Variants in TANGO6 observed in about 807,000 individuals in gnomAD.
The protein encoded by TANGO6 is transport and Golgi organization protein 6 homolog.
In TANGO6, 90 loss-of-function variants were observed where a neutral mutation model predicts 114.2. The ratio of observed to expected loss-of-function variants is 0.79; its 90% CI spans 0.66 to 0.94. TANGO6 has a LOEUF of 0.94. Ranked by LOEUF, TANGO6 falls within the 40% of genes least tolerant of loss-of-function variation. The pLI is 0.00. For synonymous variants in TANGO6, 477 were observed against 509.8 expected (o/e 0.94, Z 0.87); for missense variants, 1,274 against 1,315.3 (o/e 0.97, Z 0.49).
chr16:68,888,209 T>G (rs1567532684), intron 7 of TANGO6, among the ~76,000 whole-genome samples: 1 of 152,166 alleles, frequency 6.6e-6, no homozygotes, highest in Non-Finnish European at 1.5e-5. Context: ...CTCAAAACAC[T>G]TTTAGTCCAG....
At chr16:68,847,829 G>A (rs1301328215) in intron 1 of TANGO6, among the ~76,000 whole-genome samples, 6 of 151,992 alleles carry the variant, frequency 3.9e-5, no homozygotes, top group East Asian at 3.9e-4. Context: ...GCGAAACCCC[G>A]TCTCTACTAA....
chr16:68,870,510 A>G (rs1198405172), intron 4 of TANGO6, among the ~76,000 whole-genome samples: 1 of 152,140 alleles, frequency 6.6e-6, no homozygotes, highest in Non-Finnish European at 1.5e-5. Flanking sequence ...TCCTTTTCCA[A>G]GAAGGGTTAG....
At chr16:68,860,741 C>T (rs564708643) in intron 2 of TANGO6, among the ~76,000 whole-genome samples, 2 of 152,160 alleles carry the variant, frequency 1.3e-5, no homozygotes, top group African/African-American at 4.8e-5. Flanking sequence ...TTCACCTGTC[C>T]CTTGTCATTT....
chr16:69,019,674 CT>C (rs1959367304), intron 15 of TANGO6, among the ~76,000 whole-genome samples: 1 of 150,992 alleles, frequency 6.6e-6, no homozygotes, highest in Non-Finnish European at 1.5e-5. Context: ...ACTCCTTAAA[CT>C]TTGGGCATCT....
intron 12 of TANGO6, among the ~76,000 whole-genome samples, chr16:68,924,376 ACT>A (rs1691523465): frequency 6.6e-6 from 1 of 151,986 alleles, no homozygotes; most frequent in African/African-American, 2.4e-5. Flanking sequence ...CAGATCAGCT[ACT>A]CGGGAGGCTG....
intron 11 of TANGO6, 49 bp from the exon 12 acceptor site, chr16:68,919,036 A>ATT (rs3833052): frequency 4.1e-4 from 533 of 1,309,388 alleles, no homozygotes; most frequent in South Asian, 6.6e-4. Flanking sequence ...GAGAATTATG[A>ATT]TTTTTTTTTT....
intron 11 of TANGO6, among the ~76,000 whole-genome samples, chr16:68,916,947 A>G (rs1219191280): frequency 6.6e-6 from 1 of 151,832 alleles, no homozygotes; most frequent in African/African-American, 2.4e-5. Context: ...ACTAGGGCTC[A>G]CTCTTGGTGT....
intron 15 of TANGO6, among the ~76,000 whole-genome samples, chr16:69,004,791 T>C (rs1449686657): frequency 6.6e-6 from 1 of 152,238 alleles, no homozygotes; most frequent in African/African-American, 2.4e-5. Flanking sequence ...CTAACAAGGA[T>C]CTTTACTAGA....
intron 1 of TANGO6, among the ~76,000 whole-genome samples, chr16:68,847,859 G>A (rs1961838514): frequency 6.6e-6 from 1 of 152,048 alleles, no homozygotes; most frequent in Non-Finnish European, 1.5e-5. Flanking sequence ...AATTAGCTGG[G>A]CGTGGTGGCA....
intron 16 of TANGO6, among the ~76,000 whole-genome samples, chr16:69,031,016 A>G (rs1200185753): frequency 6.6e-6 from 1 of 152,060 alleles, no homozygotes; most frequent in Admixed American, 6.6e-5. Flanking sequence ...ATATCGCACC[A>G]CTACACTCCA....
At chr16:69,053,074 C>T (rs1045525850) in intron 17 of TANGO6, among the ~76,000 whole-genome samples, 1 of 152,116 alleles carries the variant, frequency 6.6e-6, no homozygotes, top group Non-Finnish European at 1.5e-5. Context: ...TGCCACTGTA[C>T]TCCTGGCAAC....
At chr16:69,008,299 A>T (rs1012325524) in intron 15 of TANGO6, among the ~76,000 whole-genome samples, 3 of 152,196 alleles carry the variant, frequency 2.0e-5, no homozygotes, top group Non-Finnish European at 1.5e-5. Flanking sequence ...TTTAATTTTG[A>T]TGAAGTCCAA....
chr16:68,843,772 G>A, intron 1 of TANGO6, 61 bp downstream of exon 1: 1 of 1,546,534 alleles, frequency 6.5e-7, no homozygotes. Flanking sequence ...CCCGGCTTCC[G>A]GGGCTGCCCT....
intron 10 of TANGO6, 113 bp from the exon 11 acceptor site, chr16:68,909,098 A>G (rs1050724509): frequency 1.7e-5 from 16 of 959,528 alleles, no homozygotes; most frequent in Non-Finnish European, 2.1e-5. Flanking sequence ...GTTGCAACAA[A>G]CACAGACTAT....
intron 17 of TANGO6, among the ~76,000 whole-genome samples, chr16:69,061,741 GGC>G (rs1440769905): frequency 2.2e-4 from 33 of 150,846 alleles, no homozygotes; most frequent in Admixed American, 8.6e-4. Flanking sequence ...TTTCCGGCCG[GGC>G]GCGCGGTGGC....
chr16:69,075,161 C>T (rs888745509), intron 17 of TANGO6, among the ~76,000 whole-genome samples: 33 of 150,638 alleles, frequency 2.2e-4, no homozygotes, highest in African/African-American at 8.0e-4. Flanking sequence ...AATTTTTTTC[C>T]TTCCAAAGTC....
intron 15 of TANGO6, among the ~76,000 whole-genome samples, chr16:68,978,689 C>T (rs976882188): frequency 2.0e-5 from 3 of 152,092 alleles, no homozygotes; most frequent in African/African-American, 7.2e-5. Flanking sequence ...GCCTTGCTCT[C>T]TCCCCACCCC....
At chr16:69,016,093 T>C (rs1172114318) in intron 15 of TANGO6, among the ~76,000 whole-genome samples, 1 of 152,196 alleles carries the variant, frequency 6.6e-6, no homozygotes, top group African/African-American at 2.4e-5. Context: ...TCATTGCTGC[T>C]GGAAATTTTA....
Position 68,878,175 on chromosome 16 carries a change from G to A in TANGO6, c.1189G>A (p.Ala397Thr), listed in dbSNP as rs1281421184. ...GACAGCACGACAATTTCAGAGAGTT[G>A]CCACCACTACCTTTATAACTTTGTC... Reference protein sequence around the residue: ...KLTARQFQRVATTTFITLSRE... With the variant: ...KLTARQFQRVTTTTFITLSRE... Residue 397 changes from alanine to threonine, a missense_variant, in exon 6 of 18, where the codon GCC (alanine) becomes ACC (threonine). Physicochemically the swap from Ala to Thr is moderately conservative, Grantham distance 58 (BLOSUM62 0). This residue lies in a region of TANGO6 where 908 missense variants were observed against 910.2 expected (regional missense o/e 1.00). Transcript: ENST00000261778. The A allele has an allele frequency of 1.2e-6, 2 of 1,612,654 alleles. No individual in the cohort carries two copies. The highest frequency in any genetic ancestry group is 2.2e-5 in the East Asian group (1 of 44,858).
Sources: allele counts gnomAD v4.1 joint callset (sites outside exome capture counted in the v4.1 genomes callset), GRCh38; gene constraint gnomAD v4.1.1; regional missense constraint gnomAD v4.1.1; transcripts MANE v1.5; gene names NCBI Gene and HGNC (gene_info 2026-07-23, HGNC 2026-07-21).